ABCA6: variants seen among roughly 807,000 people sequenced by gnomAD.
The protein encoded by ABCA6 is ATP binding cassette subfamily A member 6.
Under a neutral mutation model 191.2 loss-of-function variants are expected in ABCA6, and 164 were observed. That is an observed-to-expected ratio of 0.86 (90% CI 0.76 to 0.98). The LOEUF is 0.98. Among genes scored for constraint, ABCA6 ranks in the 50% least tolerant of loss-of-function variants. The probability of loss-of-function intolerance (pLI) is 0.00; values close to 1 mark genes in which losing one functional copy is unlikely to be tolerated. For synonymous variants in ABCA6, 636 were observed against 647.7 expected (o/e 0.98, Z 0.27); for missense variants, 1,958 against 1,894.1 (o/e 1.03, Z -0.63).
Position 69,111,957 on chromosome 17 carries a change from T to C in ABCA6, c.2132+226A>G, listed in dbSNP as rs575120792. 30 of 452,536 alleles carry C rather than the reference T, an allele frequency of 6.6e-5. No homozygotes were observed. In the South Asian group the frequency reaches 9.8e-4, roughly 15 times the overall value. 28.0% of individuals were successfully genotyped at this position (452,536 alleles called of 1,614,324 possible). A position where few individuals can be genotyped will look rare whatever the true frequency, so the allele number is the denominator to read the frequency against. On this transcript the variant is annotated intron_variant, in intron 16 of 38. Transcript: ENST00000284425. ...CCTAGAAAAGTGGCACATGAAGTAG[T>C]CTTGCTGTGAAAAGTCAGGCTTGGT...
intron 18 of ABCA6, among the ~76,000 whole-genome samples, chr17:69,107,133 G>T (rs1322578733): frequency 6.6e-6 from 1 of 152,058 alleles, no homozygotes; most frequent in African/African-American, 2.4e-5. Flanking sequence ...CTGCTCATAG[G>T]TCTGATTTTC....
chr17:69,136,555 GAATT>G (rs1464568558), intron 3 of ABCA6, among the ~76,000 whole-genome samples: 1 of 152,158 alleles, frequency 6.6e-6, no homozygotes, highest in Non-Finnish European at 1.5e-5. Flanking sequence ...TACAAAAACA[GAATT>G]AATTGTTGTA....
chr17:69,081,005 A>C, intron 37 of ABCA6, 61 bp downstream of exon 37: 1 of 1,068,572 alleles, frequency 9.4e-7, no homozygotes, highest in South Asian at 1.6e-5. Context: ...GCTTCCATTA[A>C]ATTATTATTT....
chr17:69,084,227 C>G (rs751117383), intron 34 of ABCA6, 34 bp downstream of exon 34: 2 of 1,601,330 alleles, frequency 1.2e-6, no homozygotes, highest in Non-Finnish European at 1.7e-6. Flanking sequence ...CCCTAATGTG[C>G]ATGCTCGCAG....
chr17:69,101,816 A>T (rs1320639076), intron 21 of ABCA6, among the ~76,000 whole-genome samples: 4 of 152,178 alleles, frequency 2.6e-5, no homozygotes, highest in African/African-American at 9.7e-5. Context: ...CATGTAGTAA[A>T]TATGTGAGGT....
At chr17:69,113,110 A>T in intron 15 of ABCA6, 112 bp downstream of exon 15, 1 of 1,296,120 alleles carries the variant, frequency 7.7e-7, no homozygotes, top group Non-Finnish European at 1.0e-6. Flanking sequence ...TGACTGCTAT[A>T]GAATGTAGGA....
chr17:69,114,771 C>T lies in ABCA6; in HGVS notation c.1773G>A (p.Val591=). Residue 591 remains valine (V), a synonymous_variant, in exon 13 of 39, where the codon GTG becomes GTA. Transcript: ENST00000284425. The part of the protein sequence containing the change: ...AKIKGIHLKE[V]EQEVQRILLE... ...AAGCATGCCCTCCTACCTCTTGTTC[C>T]ACTTCCTTTAGATGAATCCCTTTTA... 1 of 1,608,494 alleles carries T rather than the reference C, an allele frequency of 6.2e-7. No homozygotes were observed. The highest frequency in any genetic ancestry group is 1.7e-5 in the Admixed American group (1 of 59,176).
Position 69,098,042 on chromosome 17 carries a change from G to C in ABCA6, c.3013-15C>G, listed in dbSNP as rs540486261. On this transcript the variant is annotated splice_polypyrimidine_tract_variant and intron_variant, in intron 22 of 38. Coordinates refer to ENST00000284425, the MANE Select transcript of ABCA6 (RefSeq NM_080284.3). Reference sequence around the variant, plus strand: ...CCTATGTGGCTCTGAAAATATAAAGGGTAGCTTAAACTAGTGAATATTTGT... The same window carrying C: ...CCTATGTGGCTCTGAAAATATAAAGCGTAGCTTAAACTAGTGAATATTTGT... 1.3e-6 allele frequency: 2 copies of C among 1,539,170 alleles called. No homozygotes were observed. Among genetic ancestry groups the C allele is most frequent in the South Asian group, 1.2e-5 (1 of 82,072 alleles).
chr17:69,136,199 A>C lies in ABCA6; in HGVS notation c.353T>G (p.Leu118Arg). The change falls in exon 4 of 39, where the codon CTG becomes CGG. Residue 118 changes from leucine (L) to arginine (R), a missense_variant. By Grantham distance (102) the Leu-to-Arg change is moderately radical. Transcript: ENST00000284425. ...PNKTHMDEIL[L>R]ENLPYAMGII... is the part of the protein sequence containing the mutation. ...TCCCATAGCATATGGTAAATTTTCC[A>C]GAAGTATTTCGTCCATGTGTGTTTT... 6.3e-7 allele frequency: 1 copy of C among 1,599,360 alleles called. No homozygotes were observed. The highest frequency in any genetic ancestry group is 8.5e-7 in the Non-Finnish European group (1 of 1,171,938).
Position 69,129,696 on chromosome 17 carries a change from T to C in ABCA6, c.847A>G (p.Thr283Ala), listed in dbSNP as rs1237970782. ...GFIFIISIFV[T>A]IIITFTQIIV... ...ATTTGGGTGAATGTTATGATAATTG[T>C]AACGAATATGGAAATAATAAAGATG... The change falls in exon 7 of 39, where the codon ACA (threonine) becomes GCA (alanine). Residue 283 changes from threonine (T) to alanine (A), a missense_variant. Coordinates refer to ENST00000284425, the MANE Select transcript of ABCA6 (RefSeq NM_080284.3). 6.2e-7 allele frequency: 1 copy of C among 1,605,086 alleles called. No homozygotes were observed. The highest frequency in any genetic ancestry group is 1.1e-5 in the South Asian group (1 of 90,620).
intron 2 of ABCA6, among the ~76,000 whole-genome samples, chr17:69,138,230 A>G (rs2073979387): frequency 6.6e-6 from 1 of 152,146 alleles, no homozygotes; most frequent in South Asian, 2.1e-4. Context: ...TGCCTGAATG[A>G]TTGTGTGGAG....
intron 10 of ABCA6, 63 bp downstream of exon 10, chr17:69,123,176 A>G (rs2073682163): frequency 9.0e-7 from 1 of 1,109,112 alleles, no homozygotes; most frequent in Non-Finnish European, 1.2e-6. Flanking sequence ...TAATAAAATT[A>G]AAAATAATAA....
At chr17:69,137,069 C>G (rs1166133203) in intron 3 of ABCA6, among the ~76,000 whole-genome samples, 1 of 152,088 alleles carries the variant, frequency 6.6e-6, no homozygotes, top group Non-Finnish European at 1.5e-5. Context: ...TAGTTATATT[C>G]CAGTAGAAAT....
intron 15 of ABCA6, 88 bp downstream of exon 15, chr17:69,113,134 G>T (rs1337603022): frequency 2.1e-6 from 3 of 1,437,506 alleles, no homozygotes; most frequent in Non-Finnish European, 2.8e-6. Context: ...TCACCATAAT[G>T]AGAGCAGGGC....
intron 23 of ABCA6, among the ~76,000 whole-genome samples, chr17:69,097,332 A>G (rs2073072527): frequency 6.6e-6 from 1 of 151,482 alleles, no homozygotes; most frequent in Non-Finnish European, 1.5e-5. Context: ...CGGAGTTTGC[A>G]GTGAACCGAT....
At chr17:69,137,103 C>T (rs1389458626) in intron 3 of ABCA6, among the ~76,000 whole-genome samples, 193 bp downstream of exon 3, 1 of 152,018 alleles carries the variant, frequency 6.6e-6, no homozygotes, top group Non-Finnish European at 1.5e-5. Flanking sequence ...AACTGGACTC[C>T]CAACAAGCTG....
chr17:69,128,192 T>C (rs2073788011), intron 8 of ABCA6, among the ~76,000 whole-genome samples: 1 of 152,136 alleles, frequency 6.6e-6, no homozygotes, highest in South Asian at 2.1e-4. Flanking sequence ...ATCTAGTTCA[T>C]AGATACTTTA....
chr17:69,088,301 A>G, intron 27 of ABCA6, 43 bp from the exon 28 acceptor site: 3 of 1,402,410 alleles, frequency 2.1e-6, no homozygotes, highest in Non-Finnish European at 2.9e-6. Context: ...ATAAGTTCAC[A>G]AATATTATTT....
At chr17:69,115,731 T>C (rs1385157795) in intron 11 of ABCA6, 1 of 299,600 alleles carries the variant, frequency 3.3e-6, no homozygotes, top group Non-Finnish European at 6.0e-6. Context: ...AGAACAGAAG[T>C]CTAATATGGA....
Sources: allele counts gnomAD v4.1 joint callset (sites outside exome capture counted in the v4.1 genomes callset), GRCh38; gene constraint gnomAD v4.1.1; transcripts MANE v1.5; gene names NCBI Gene and HGNC (gene_info 2026-07-23, HGNC 2026-07-21).